Variants in LRP12 observed in about 807,000 individuals in gnomAD.
LRP12 encodes the protein low-density lipoprotein receptor-related protein 12.
Under a neutral mutation model 66.0 loss-of-function variants are expected in LRP12, and 14 were observed. The observed-to-expected ratio is 0.21, with a 90% CI of 0.14 to 0.33. The LOEUF (loss-of-function observed/expected upper bound fraction) is 0.33. Among genes scored for constraint, LRP12 ranks in the 10% least tolerant of loss-of-function variants. LRP12 has a pLI of 1.00. For missense variants in LRP12, 889 were observed against 1,053.4 expected (o/e 0.84, Z 2.16); for synonymous variants, 357 against 359.1 (o/e 0.99, Z 0.07).
intron 3 of LRP12, among the ~76,000 whole-genome samples, chr8:104,500,813 T>C (rs1810818544): frequency 6.6e-6 from 1 of 152,216 alleles, no homozygotes; most frequent in East Asian, 1.9e-4. Flanking sequence ...GAACTAGTAT[T>C]GCTAGGTCAG....
intron 3 of LRP12, 126 bp from the exon 4 acceptor site, chr8:104,499,645 A>C: frequency 1.7e-6 from 1 of 591,874 alleles, no homozygotes. Flanking sequence ...TTTTCTAGGC[A>C]TACAACCGTA....
chr8:104,551,342 C>T (rs1429986373), intron 1 of LRP12, among the ~76,000 whole-genome samples: 1 of 152,078 alleles, frequency 6.6e-6, no homozygotes, highest in Non-Finnish European at 1.5e-5. Flanking sequence ...CCACAATCCT[C>T]ATCATATTTT....
chr8:104,503,854 G>C (rs1810867350), intron 3 of LRP12, among the ~76,000 whole-genome samples: 1 of 152,100 alleles, frequency 6.6e-6, no homozygotes, highest in Non-Finnish European at 1.5e-5. Flanking sequence ...CATTCACTAA[G>C]AATTCTACTA....
intron 1 of LRP12, among the ~76,000 whole-genome samples, chr8:104,567,320 C>G (rs1445635285): frequency 6.6e-6 from 1 of 151,986 alleles, no homozygotes; most frequent in South Asian, 2.1e-4. Flanking sequence ...ATGGCAGCAG[C>G]AAGAAAAAAT....
intron 3 of LRP12, among the ~76,000 whole-genome samples, chr8:104,501,345 C>A (rs1478999287): frequency 2.6e-5 from 4 of 151,660 alleles, no homozygotes; most frequent in African/African-American, 9.7e-5. Flanking sequence ...ATTTTTATAT[C>A]TTCTGTGAAG....
rs1220684622 is a variant in LRP12, at chr8:104,495,343, A to C, written c.1581-134T>G. On this transcript the variant is annotated intron_variant, in intron 5 of 6. Transcript: ENST00000276654. The stretch of plus-strand genomic sequence containing the variant: ...TTTAAAGCTTAGTCATTTGACAAAC[A>C]TTTACTGAATATATGTATTATCCCT... 3 of 841,352 alleles carry C rather than the reference A, an allele frequency of 3.6e-6. No homozygotes were observed. The South Asian group carries it at 5.4e-5, about 15-fold the overall frequency. 52.1% of individuals were successfully genotyped at this position (841,352 alleles called of 1,614,324 possible).
At chr8:104,532,776 G>A (rs560731570) in intron 1 of LRP12, among the ~76,000 whole-genome samples, 1 of 152,116 alleles carries the variant, frequency 6.6e-6, no homozygotes, top group African/African-American at 2.4e-5. Context: ...ATAATTGCTT[G>A]AATATTGTAT....
rs184040405 is a variant in LRP12 at position 104,501,778 on chromosome 8, T to C, written c.273-2259A>G. On this transcript the variant is annotated intron_variant, in intron 3 of 6. Transcript: ENST00000276654. ...CTAATATTTTCTTCCAGCCTGTGGT[T>C]TGTCTTTTCATTTTCTTAATGGAAC... Among the ~76,000 whole-genome samples, 8 of 152,280 alleles carry C rather than the reference T, an allele frequency of 5.3e-5. No homozygotes were observed. In the East Asian group the frequency reaches 1.5e-3, roughly 29 times the overall value.
At chr8:104,524,049 C>T (rs1811190691) in intron 2 of LRP12, among the ~76,000 whole-genome samples, 1 of 151,846 alleles carries the variant, frequency 6.6e-6, no homozygotes, top group East Asian at 1.9e-4. Context: ...AGTTCAAGAC[C>T]AGCCTGGGCA....
rs578102500 is a variant in LRP12, at chr8:104,556,442, A to C, written c.80-24479T>G. Among the ~76,000 whole-genome samples the C allele has an allele frequency of 2.0e-5, 3 of 152,332 alleles. No homozygotes were observed. In the East Asian group the frequency reaches 5.8e-4, roughly 29 times the overall value. The stretch of plus-strand genomic sequence containing the variant: ...AGAAGATCCAAATAAGCTTAATTAG[A>C]AATGAAATGGGAGATATTACAACTG... On this transcript the variant is annotated intron_variant, in intron 1 of 6. Transcript: ENST00000276654.
At chr8:104,555,927 T>A (rs1042696574) in intron 1 of LRP12, among the ~76,000 whole-genome samples, 5 of 152,108 alleles carry the variant, frequency 3.3e-5, no homozygotes, top group African/African-American at 1.2e-4. Flanking sequence ...CGAGTCTCAA[T>A]AAATTTAAGA....
At chr8:104,570,463 T>C (rs1812060993) in intron 1 of LRP12, among the ~76,000 whole-genome samples, 1 of 152,018 alleles carries the variant, frequency 6.6e-6, no homozygotes, top group Admixed American at 6.5e-5. Context: ...AATCCAGAAA[T>C]AGACTCATGC....
At chr8:104,556,065 G>T (rs1588504159) in intron 1 of LRP12, among the ~76,000 whole-genome samples, 2 of 152,164 alleles carry the variant, frequency 1.3e-5, no homozygotes, top group East Asian at 3.9e-4. Flanking sequence ...ATGATAATTG[G>T]GTCAACAATG....
At chr8:104,550,291 A>T (rs934956058) in intron 1 of LRP12, among the ~76,000 whole-genome samples, 1 of 152,216 alleles carries the variant, frequency 6.6e-6, no homozygotes, top group African/African-American at 2.4e-5. Context: ...TCTAGCTCAA[A>T]GCCCATAATC....
intron 1 of LRP12, among the ~76,000 whole-genome samples, chr8:104,532,778 A>G (rs1223789889): frequency 6.6e-6 from 1 of 152,150 alleles, no homozygotes; most frequent in Non-Finnish European, 1.5e-5. Context: ...AATTGCTTGA[A>G]TATTGTATTG....
intron 1 of LRP12, among the ~76,000 whole-genome samples, chr8:104,542,136 C>A (rs902985685): frequency 6.6e-6 from 1 of 152,164 alleles, no homozygotes; most frequent in Admixed American, 6.5e-5. Flanking sequence ...GGGTCCATTT[C>A]TCCACATCCT....
At chr8:104,574,754 C>T (rs952652134) in intron 1 of LRP12, among the ~76,000 whole-genome samples, 5 of 152,030 alleles carry the variant, frequency 3.3e-5, no homozygotes, top group Admixed American at 2.6e-4. Flanking sequence ...CTACTGATCA[C>T]GTGTTGAAAT....
At chr8:104,573,557 A>G (rs537991394) in intron 1 of LRP12, among the ~76,000 whole-genome samples, 5 of 152,118 alleles carry the variant, frequency 3.3e-5, no homozygotes, top group Admixed American at 1.3e-4. Context: ...TAAAGTCTAA[A>G]CATACTAGGA....
chr8:104,556,922 G>A (rs1432941056), intron 1 of LRP12, among the ~76,000 whole-genome samples: 3 of 152,138 alleles, frequency 2.0e-5, no homozygotes, highest in African/African-American at 7.2e-5. Flanking sequence ...CCATGATCAA[G>A]TGGGTTTCAT....
Sources: allele counts gnomAD v4.1 joint callset (sites outside exome capture counted in the v4.1 genomes callset), GRCh38; gene constraint gnomAD v4.1.1; transcripts MANE v1.5; gene names NCBI Gene and HGNC (gene_info 2026-07-23, HGNC 2026-07-21).